Variants in TRIM35 observed in about 807,000 individuals in gnomAD.
TRIM35 encodes the protein tripartite motif containing 35.
Under a neutral mutation model 49.1 loss-of-function variants are expected in TRIM35, and 37 were observed. The ratio of observed to expected loss-of-function variants is 0.75; its 90% confidence interval spans 0.58 to 0.99. The LOEUF is 0.99. TRIM35 is among the 50% of genes least tolerant of loss of function. The pLI, the probability that TRIM35 is intolerant of heterozygous loss-of-function variation, is 0.00. For synonymous variants in TRIM35, 302 were observed against 289.3 expected, an observed-to-expected ratio of 1.04 and a Z score of -0.45; for missense variants, 648 against 702.7, an observed-to-expected ratio of 0.92 and a Z score of 0.88.
At chr8:27,288,623 C>T (rs760481081) in intron 5 of TRIM35, among the ~76,000 whole-genome samples, 1 of 152,140 alleles carries the variant, frequency 6.6e-6, no homozygotes, top group South Asian at 2.1e-4. Flanking sequence ...TGGATTTCTA[C>T]CCTCCAGAAC....
chr8:27,297,761 G>C (rs1802599390), intron 2 of TRIM35, among the ~76,000 whole-genome samples: 1 of 152,250 alleles, frequency 6.6e-6, no homozygotes, highest in Non-Finnish European at 1.5e-5. Flanking sequence ...TGCTGGGCAT[G>C]TGTTCTGGGG....
chr8:27,309,023 G>T (rs772628050), intron 1 of TRIM35, among the ~76,000 whole-genome samples: 6 of 152,098 alleles, frequency 3.9e-5, no homozygotes, highest in Admixed American at 6.5e-5. Context: ...CTCTTCCCTC[G>T]GGTCTCTGCT....
At chr8:27,288,192 C>A in intron 5 of TRIM35, 65 bp from the exon 6 acceptor site, 1 of 1,467,654 alleles carries the variant, frequency 6.8e-7, no homozygotes, top group Non-Finnish European at 9.2e-7. Flanking sequence ...ACGTGGATAT[C>A]TCCAGCCCCA....
chr8:27,285,862 TTG>T lies in TRIM35; in HGVS notation c.*1686_*1687del, dbSNP rs1207765178. 3.8e-6 allele frequency: 1 copy of T among 265,056 alleles called. No individual in the cohort carries two copies. The highest frequency in any genetic ancestry group is 9.6e-5 in the East Asian group (1 of 10,364). 16.4% of individuals were successfully genotyped at this position (265,056 alleles called of 1,614,324 possible). On this transcript the variant is annotated 3_prime_UTR_variant, in exon 6 of 6. Transcript: ENST00000305364. ...TTGGCTCCCAAAGGGCTTGGAGCTT[TTG>T]TGAGGCTGAGCATCTTCCAACCAGG...
rs138892684 is a variant in TRIM35 at position 27,285,953 on chromosome 8, G to A, written c.*1597C>T. ...TCCAGCCCCTTCACACACTGACATC[G>A]CCTACCTGGGCCCTCCTTGTGGCCT... On this transcript the variant is annotated 3_prime_UTR_variant, in exon 6 of 6. Coordinates refer to ENST00000305364, the MANE Select transcript of TRIM35 (RefSeq NM_171982.5). The A allele has an allele frequency of 7.8e-5, 29 of 371,640 alleles. No homozygotes were observed. Among genetic ancestry groups the A allele is most frequent in the African/African-American group, 5.1e-4 (24 of 47,398 alleles). 23.0% of individuals were successfully genotyped at this position (371,640 alleles called of 1,614,324 possible).
chr8:27,299,601 A>C (rs1023715985), intron 1 of TRIM35, among the ~76,000 whole-genome samples: 13 of 152,202 alleles, frequency 8.5e-5, no homozygotes, highest in Non-Finnish European at 1.9e-4. Context: ...AGCTGCTGAG[A>C]CAGCACCCAG....
intron 3 of TRIM35, among the ~76,000 whole-genome samples, chr8:27,291,205 C>A (rs1179812660): frequency 6.6e-6 from 1 of 151,056 alleles, no homozygotes; most frequent in African/African-American, 2.4e-5. Flanking sequence ...ACTCTTACAA[C>A]TCAACAATAA....
At chr8:27,304,568 C>G (rs973323238) in intron 1 of TRIM35, among the ~76,000 whole-genome samples, 2 of 152,234 alleles carry the variant, frequency 1.3e-5, no homozygotes, top group African/African-American at 2.4e-5. Flanking sequence ...GAGGGCAGGT[C>G]TTAACCTCCA....
chr8:27,308,331 C>T (rs764982527), intron 1 of TRIM35, among the ~76,000 whole-genome samples: 2 of 152,230 alleles, frequency 1.3e-5, no homozygotes, highest in African/African-American at 4.8e-5. Flanking sequence ...ACAGTGAGCA[C>T]TGAAATGTGT....
At chr8:27,292,398 C>G (rs528125084) in intron 3 of TRIM35, among the ~76,000 whole-genome samples, 2 of 152,278 alleles carry the variant, frequency 1.3e-5, no homozygotes, top group South Asian at 4.1e-4. Flanking sequence ...ATACATTTCT[C>G]AGAACATATC....
intron 1 of TRIM35, among the ~76,000 whole-genome samples, chr8:27,305,699 T>C (rs1044191330): frequency 6.6e-6 from 1 of 152,132 alleles, no homozygotes; most frequent in Non-Finnish European, 1.5e-5. Context: ...TGGCAAAGAA[T>C]GGTCATCATG....
At chr8:27,292,106 G>A (rs552874275) in intron 3 of TRIM35, among the ~76,000 whole-genome samples, 25 of 152,218 alleles carry the variant, frequency 1.6e-4, no homozygotes, top group Non-Finnish European at 2.2e-4. Context: ...CATGTGCAAC[G>A]TAACGATGTT....
Position 27,287,867 on chromosome 8 carries a change from A to G in TRIM35, c.1165T>C (p.Tyr389His). The change falls in exon 6 of 6, where the codon TAC (tyrosine) becomes CAC (histidine). Residue 389 changes from tyrosine to histidine, a missense_variant. Transcript: ENST00000305364. The surrounding 1 kb of genome is among the most constrained non-coding windows in gnomAD (Gnocchi z 6.0). ...SGAEGHSHSC[Y>H]HDTRSGFWYV... The stretch of plus-strand genomic sequence containing the variant: ...CAGAAGCCCGAGCGTGTGTCGTGGT[A>G]GCAGCTGTGTGAGTGGCCCTCAGCG... The G allele has an allele frequency of 6.2e-7, 1 of 1,613,180 alleles. No homozygotes were observed. The highest frequency in any genetic ancestry group is 8.5e-7 in the Non-Finnish European group (1 of 1,179,798).
At chr8:27,290,298 G>T in intron 3 of TRIM35, 120 bp from the exon 4 acceptor site, 1 of 969,354 alleles carries the variant, frequency 1.0e-6, no homozygotes, top group Non-Finnish European at 1.6e-6. Context: ...TTGTCAAGAT[G>T]TTAACAATAA....
At chr8:27,306,634 T>G (rs1230879647) in intron 1 of TRIM35, among the ~76,000 whole-genome samples, 2 of 152,210 alleles carry the variant, frequency 1.3e-5, no homozygotes, top group African/African-American at 4.8e-5. Flanking sequence ...ACCATTCATA[T>G]TTTCTTAACA....
rs1036743196 is a variant in TRIM35, at chr8:27,284,937, A to G, written c.*2613T>C. 5.9e-5 allele frequency: 9 copies of G among 152,248 alleles called. No individual in the cohort carries two copies. The highest frequency in any genetic ancestry group is 2.2e-4 in the African/African-American group (9 of 41,468). 9.4% of individuals were successfully genotyped at this position (152,248 alleles called of 1,614,324 possible). A position where few individuals can be genotyped will look rare whatever the true frequency, so the allele number is the denominator to read the frequency against. ...AAGGACATCATCAAGGAAATGAAAC[A>G]GCTCACGGAGAAAAATTTTATAATC... On this transcript the variant is annotated 3_prime_UTR_variant, in exon 6 of 6. Transcript: ENST00000305364.
chr8:27,287,817 C>T lies in TRIM35; in HGVS notation c.1215G>A (p.Val405=). The T allele has an allele frequency of 6.2e-7, 1 of 1,611,644 alleles. No individual in the cohort carries two copies. The highest frequency in any genetic ancestry group is 8.5e-7 in the Non-Finnish European group (1 of 1,179,232). The change falls in exon 6 of 6, where the codon GTG becomes GTA. Residue 405 remains valine (V), a synonymous_variant. Transcript: ENST00000305364. This position sits in a 1 kb window ranked among gnomAD's most constrained non-coding sequence, Gnocchi z 6.0. ...GFWYVCRTQG[V]EGDHCVTSDP... Reference sequence around the variant, plus strand: ...CCGAGGTCACGCAGTGGTCCCCCTCCACGCCCTGCGTGCGGCAGACATACC... The same window carrying T: ...CCGAGGTCACGCAGTGGTCCCCCTCTACGCCCTGCGTGCGGCAGACATACC...
rs118135889 is a variant in TRIM35, at chr8:27,294,449, A to G, written c.532-139T>C. On this transcript the variant is annotated intron_variant, in intron 2 of 5. Coordinates refer to ENST00000305364, the MANE Select transcript of TRIM35 (RefSeq NM_171982.5). ...ACCCCTACAGATAAAATATCAACATAATAGTTTATAAGCACAAATTTCTAA... is the reference window on the plus strand; with the variant it reads ...ACCCCTACAGATAAAATATCAACATGATAGTTTATAAGCACAAATTTCTAA... 805 of 810,572 alleles carry G rather than the reference A, an allele frequency of 9.9e-4. 17 individuals are homozygous for G. The East Asian group carries it at 0.019, about 19-fold the overall frequency. The allele number at this position is 810,572 out of a possible 1,614,324, so 50.2% of individuals were successfully genotyped here.
rs149979190 is a variant in TRIM35 at position 27,310,819 on chromosome 8, G to A, written c.417C>T (p.Asp139=). The A allele has an allele frequency of 2.1e-4, 337 of 1,604,144 alleles. No homozygotes were observed. Among genetic ancestry groups the A allele is most frequent in the Non-Finnish European group, 2.7e-4 (321 of 1,173,558 alleles). The part of the protein sequence containing the change: ...HQGHRVQPVK[D]TAHDFRAKCR... ...CTCTTACCCGAAAGTCGTGGGCAGT[G>A]TCCTTCACCGGCTGCACGCGGTGCC... Residue 139 remains aspartate, a synonymous_variant, in exon 1 of 6, where the codon GAC becomes GAT. Transcript: ENST00000305364.
Sources: allele counts gnomAD v4.1 joint callset (sites outside exome capture counted in the v4.1 genomes callset), GRCh38; gene constraint gnomAD v4.1.1; non-coding constraint Gnocchi (gnomAD v3.1); transcripts MANE v1.5; gene names NCBI Gene and HGNC (gene_info 2026-07-23, HGNC 2026-07-21).